The following TSTD2 variants were observed in gnomAD, a reference collection of about 807,000 sequenced individuals.
The protein encoded by TSTD2 is thiosulfate sulfurtransferase like domain containing 2.
In TSTD2, 37 loss-of-function variants were observed where a neutral mutation model predicts 47.9. The ratio of observed to expected loss-of-function variants is 0.77; its 90% CI spans 0.59 to 1.02. The LOEUF (loss-of-function observed/expected upper bound fraction) is 1.02, where lower values mean the gene tolerates loss of function less well. Ranked by LOEUF, TSTD2 falls within the 50% of genes least tolerant of loss-of-function variation. TSTD2 has a pLI of 0.00. For synonymous variants in TSTD2, 201 were observed against 215.9 expected (o/e 0.93, Z 0.61); for missense variants, 586 against 616.0 (o/e 0.95, Z 0.52).
chr9:97,614,929 C>T (rs967466081), intron 4 of TSTD2, among the ~76,000 whole-genome samples: 5 of 152,154 alleles, frequency 3.3e-5, no homozygotes, highest in African/African-American at 1.2e-4. Flanking sequence ...ACTGTCCCCA[C>T]TACCAACTTA....
Position 97,611,368 on chromosome 9 carries a change from G to GATC in TSTD2, c.729+203_729+205dup, listed in dbSNP as rs199786311. Among the ~76,000 whole-genome samples the GATC allele has an allele frequency of 1.0e-2, 1,517 of 151,906 alleles. 25 individuals are homozygous for GATC. The highest frequency in any genetic ancestry group is 0.035 in the African/African-American group (1,454 of 41,386). Reference sequence around the variant, plus strand: ...GGAGGTTGAGGCTGCAGTGAGCCATGATCACGCCACTGCACTCCAGCCTGG... The same window carrying GATC: ...GGAGGTTGAGGCTGCAGTGAGCCATGATCATCACGCCACTGCACTCCAGCCTGG... On this transcript the variant is annotated intron_variant, in intron 5 of 9. Coordinates refer to ENST00000341170, the MANE Select transcript of TSTD2 (RefSeq NM_139246.5).
intron 7 of TSTD2, among the ~76,000 whole-genome samples, 166 bp from the exon 8 acceptor site, chr9:97,605,807 A>AGGCTGTG (rs1826356233): frequency 6.6e-6 from 1 of 152,182 alleles, no homozygotes; most frequent in African/African-American, 2.4e-5. Context: ...CTTAAAACCG[A>AGGCTGTG]GGCTGTGGGC....
At chr9:97,604,957 C>T (rs1826341033) in intron 8 of TSTD2, 92 bp from the exon 9 acceptor site, 8 of 1,534,834 alleles carry the variant, frequency 5.2e-6, no homozygotes, top group Admixed American at 4.1e-5. Flanking sequence ...GGAGTGCTGA[C>T]GTAGAGGACT....
Position 97,606,123 on chromosome 9 carries a change from C to T in TSTD2, c.954+20G>A. 6.6e-7 allele frequency: 1 copy of T among 1,506,742 alleles called. No homozygotes were observed. The highest frequency in any genetic ancestry group is 1.4e-5 in the African/African-American group (1 of 72,704). The allele number at this position is 1,506,742 out of a possible 1,614,324, so 93.3% of individuals were successfully genotyped here. A position where few individuals can be genotyped will look rare whatever the true frequency, so the allele number is the denominator to read the frequency against. ...GGGAGATCTACCAATTCAGAGAACT[C>T]AGTTCTGGCTTTTACTTACTATTTT... On this transcript the variant is annotated intron_variant, in intron 7 of 9. Transcript: ENST00000341170.
At chr9:97,630,724 G>A (rs1300866953) in intron 1 of TSTD2, among the ~76,000 whole-genome samples, 5 of 152,116 alleles carry the variant, frequency 3.3e-5, no homozygotes, top group Non-Finnish European at 7.4e-5. Context: ...CATGAATTAA[G>A]AATTACTGAA....
intron 9 of TSTD2, among the ~76,000 whole-genome samples, chr9:97,603,818 GCCT>G (rs1175574340): frequency 6.6e-6 from 1 of 152,144 alleles, no homozygotes; most frequent in African/African-American, 2.4e-5. Context: ...TCCTGCCTCA[GCCT>G]CCTGAGTATC....
At chr9:97,605,405 C>G in intron 8 of TSTD2, 78 bp downstream of exon 8, 1 of 1,567,056 alleles carries the variant, frequency 6.4e-7, no homozygotes, top group Non-Finnish European at 8.7e-7. Flanking sequence ...CTGGGGGCAG[C>G]GGACAGCTCC....
chr9:97,602,918 A>T, intron 9 of TSTD2, 151 bp from the exon 10 acceptor site: 2 of 701,016 alleles, frequency 2.9e-6, no homozygotes. Flanking sequence ...TAGCAACAAC[A>T]ACTAACCACC....
rs9539 is a variant in TSTD2, at chr9:97,600,317, T to C, written c.*2152A>G. On this transcript the variant is annotated 3_prime_UTR_variant, in exon 10 of 10. Coordinates refer to ENST00000341170, the MANE Select transcript of TSTD2 (RefSeq NM_139246.5). ...CCTTTTGCTGGATATGCAGAAATGA[T>C]AGGAAAAAAACCAATGGTGAAATTT... The C allele has an allele frequency of 0.028, 27,381 of 985,902 alleles. 4,807 individuals are homozygous for C. In the African/African-American group the frequency reaches 0.39, roughly 14 times the overall value. 61.1% of individuals were successfully genotyped at this position (985,902 alleles called of 1,614,324 possible). A position where few individuals can be genotyped will look rare whatever the true frequency, so the allele number is the denominator to read the frequency against.
At chr9:97,627,355 T>G (rs748546792) in intron 2 of TSTD2, 43 bp downstream of exon 2, 3 of 1,538,768 alleles carry the variant, frequency 1.9e-6, no homozygotes, top group Non-Finnish European at 2.6e-6. Context: ...GTATCTGCGT[T>G]AACCACACAT....
intron 3 of TSTD2, among the ~76,000 whole-genome samples, chr9:97,621,109 A>T (rs1826627424): frequency 1.3e-5 from 2 of 152,216 alleles, no homozygotes; most frequent in Non-Finnish European, 2.9e-5. Flanking sequence ...AGAAGAACAT[A>T]AGTTGTGAAG....
At chr9:97,608,562 G>A (rs557297896) in intron 6 of TSTD2, among the ~76,000 whole-genome samples, 48 of 152,200 alleles carry the variant, frequency 3.2e-4, no homozygotes, top group African/African-American at 1.0e-3. Flanking sequence ...CTTGAACCCC[G>A]GGGGAAAAGG....
intron 6 of TSTD2, among the ~76,000 whole-genome samples, chr9:97,608,305 C>G (rs1247731518): frequency 6.6e-6 from 1 of 152,118 alleles, no homozygotes. Flanking sequence ...GCCCTGAGAA[C>G]GATTGTTTGG....
chr9:97,618,910 G>A (rs58637778), intron 3 of TSTD2, among the ~76,000 whole-genome samples: 17,971 of 152,110 alleles, frequency 0.12, 3,016 homozygotes, highest in African/African-American at 0.37. Context: ...CCTATAACAA[G>A]TTAGTCTCTG....
chr9:97,610,456 C>A lies in TSTD2; in HGVS notation c.730-5G>T. 1 of 1,546,600 alleles carries A rather than the reference C, an allele frequency of 6.5e-7. No individual in the cohort carries two copies. Among genetic ancestry groups the A allele is most frequent in the African/African-American group, 1.4e-5 (1 of 71,702 alleles). On this transcript the variant is annotated splice_polypyrimidine_tract_variant and splice_region_variant and intron_variant, in intron 5 of 9. Coordinates refer to ENST00000341170, the MANE Select transcript of TSTD2 (RefSeq NM_139246.5). ...GTGAGCTCCTCCTTTGCTGGTCTAG[C>A]CAATGAGAAACAAAACAGAATACAG...
chr9:97,624,408 G>A (rs937254964), intron 3 of TSTD2, among the ~76,000 whole-genome samples: 8 of 152,064 alleles, frequency 5.3e-5, no homozygotes, highest in African/African-American at 1.9e-4. Flanking sequence ...GAGTGAACCT[G>A]GAAACAGATT....
chr9:97,627,731 A>C, intron 1 of TSTD2, 119 bp from the exon 2 acceptor site: 1 of 589,514 alleles, frequency 1.7e-6, no homozygotes, highest in Non-Finnish European at 2.9e-6. Context: ...CCATCCATTT[A>C]CTTACTAAAT....
intron 3 of TSTD2, among the ~76,000 whole-genome samples, chr9:97,621,311 C>T (rs1481790544): frequency 3.9e-5 from 6 of 152,094 alleles, no homozygotes; most frequent in South Asian, 2.1e-4. Flanking sequence ...GGATGTATGT[C>T]GCCTCAAGAC....
intron 6 of TSTD2, 137 bp from the exon 7 acceptor site, chr9:97,606,398 G>C: frequency 1.7e-6 from 1 of 584,472 alleles, no homozygotes; most frequent in South Asian, 2.2e-5. Flanking sequence ...ACAACTGTCT[G>C]AAAAGAACAC....
Sources: allele counts gnomAD v4.1 joint callset (sites outside exome capture counted in the v4.1 genomes callset), GRCh38; gene constraint gnomAD v4.1.1; transcripts MANE v1.5; gene names NCBI Gene and HGNC (gene_info 2026-07-23, HGNC 2026-07-21).